MAP4K3: variants seen among roughly 807,000 people sequenced by gnomAD.
The protein encoded by MAP4K3 is MAPK/ERK kinase kinase kinase 3.
A neutral mutation model predicts 143.5 loss-of-function variants in MAP4K3; 94 were observed. That is an observed-to-expected ratio of 0.65 (90% CI 0.55 to 0.78). MAP4K3 has a LOEUF of 0.78. MAP4K3 is among the 30% of genes least tolerant of loss of function. MAP4K3 has a pLI of 0.00. For missense variants in MAP4K3, 1,077 were observed against 1,068.1 expected (o/e 1.01, Z -0.12); for synonymous variants, 416 against 347.2 (o/e 1.20, Z -2.20).
Position 39,280,323 on chromosome 2 carries a change from A to G in MAP4K3, c.1663T>C (p.Cys555Arg). The G allele has an allele frequency of 6.2e-7, 1 of 1,605,124 alleles. No individual in the cohort carries two copies. Among genetic ancestry groups the G allele is most frequent in the Non-Finnish European group, 8.5e-7 (1 of 1,174,556 alleles). Residue 555 changes from cysteine (C) to arginine (R), a missense_variant, in exon 23 of 34, where the codon TGT becomes CGT. Coordinates refer to ENST00000263881, the MANE Select transcript of MAP4K3 (RefSeq NM_003618.4). ...GATGCACAGTGAATTTTCAAGGGAC[A>G]CCCATTAAAAACTTTTGAAAAACAT... ...GACFSKVFNG[C>R]PLKIHCASSW...
At chr2:39,278,037 A>G (rs1681344513) in intron 24 of MAP4K3, among the ~76,000 whole-genome samples, 1 of 147,366 alleles carries the variant, frequency 6.8e-6, no homozygotes, top group African/African-American at 2.5e-5. Context: ...ATCCCAGCAC[A>G]CTGGGAGGCC....
At chr2:39,354,261 G>T (rs1029908949) in intron 3 of MAP4K3, among the ~76,000 whole-genome samples, 1 of 152,016 alleles carries the variant, frequency 6.6e-6, no homozygotes, top group African/African-American at 2.4e-5. Context: ...GGCTAACACT[G>T]TGAAACCCCG....
At chr2:39,345,685 C>T (rs1665268370) in intron 3 of MAP4K3, among the ~76,000 whole-genome samples, 2 of 151,764 alleles carry the variant, frequency 1.3e-5, no homozygotes, top group African/African-American at 2.4e-5. Context: ...TTTGGGAGGC[C>T]GAGGCGGGCG....
chr2:39,323,031 T>C (rs910057570), intron 12 of MAP4K3, among the ~76,000 whole-genome samples: 1 of 152,182 alleles, frequency 6.6e-6, no homozygotes, highest in Non-Finnish European at 1.5e-5. Context: ...AATTCTTAGA[T>C]ACATTCGTAT....
intron 12 of MAP4K3, among the ~76,000 whole-genome samples, chr2:39,320,763 C>A (rs1357192953): frequency 6.6e-6 from 1 of 152,172 alleles, no homozygotes. Context: ...GCATCTATTT[C>A]ATGTAATTAT....
At position 39,282,532 on chromosome 2, in the gene MAP4K3, G is replaced by A. The variant is rs747296551; in HGVS notation, c.1610C>T (p.Pro537Leu). 1.2e-6 allele frequency: 2 copies of A among 1,611,406 alleles called. No homozygotes were observed. Among genetic ancestry groups the A allele is most frequent in the Non-Finnish European group, 1.7e-6 (2 of 1,178,644 alleles). The change falls in exon 22 of 34, where the codon CCT becomes CTT. Residue 537 changes from proline (P) to leucine (L), a missense_variant. Pro to Leu is a moderately conservative substitution (Grantham distance 98). Around this residue, in one of 2 missense-constraint regions of MAP4K3, gnomAD observed 864 missense variants for 801.2 expected, o/e 1.08. Coordinates refer to ENST00000263881, the MANE Select transcript of MAP4K3 (RefSeq NM_003618.4). ...DVPKPISNGL[P>L]PTPKVHMGAC... ...ACTTACATGCACTTTAGGTGTTGGA[G>A]GAAGACCATTACTAATAGGCTTCTA... is the stretch of plus-strand genomic sequence containing the variant.
chr2:39,303,684 G>A (rs1422287174), intron 15 of MAP4K3, among the ~76,000 whole-genome samples: 4 of 152,008 alleles, frequency 2.6e-5, no homozygotes, highest in South Asian at 2.1e-4. Context: ...GATTAAAGAC[G>A]TGCACCACCA....
intron 1 of MAP4K3, among the ~76,000 whole-genome samples, chr2:39,403,981 A>G (rs1280529778): frequency 6.6e-6 from 1 of 151,858 alleles, no homozygotes; most frequent in Non-Finnish European, 1.5e-5. Flanking sequence ...CCTGGGCCAG[A>G]AAGGAACCAG....
chr2:39,376,663 G>C (rs1254650889), intron 2 of MAP4K3, among the ~76,000 whole-genome samples: 1 of 152,194 alleles, frequency 6.6e-6, no homozygotes, highest in African/African-American at 2.4e-5. Flanking sequence ...TATGGTCAGT[G>C]CTACAGCAGA....
intron 24 of MAP4K3, among the ~76,000 whole-genome samples, chr2:39,275,024 C>T (rs999722183): frequency 4.6e-5 from 7 of 152,184 alleles, no homozygotes; most frequent in African/African-American, 7.2e-5. Context: ...TCAGGCTCCA[C>T]ATATACTAAT....
At chr2:39,302,305 A>G (rs192400609) in intron 15 of MAP4K3, among the ~76,000 whole-genome samples, 1 of 152,318 alleles carries the variant, frequency 6.6e-6, no homozygotes, top group African/African-American at 2.4e-5. Context: ...ATGTTATAGC[A>G]ACCATGGAAC....
intron 1 of MAP4K3, among the ~76,000 whole-genome samples, chr2:39,385,084 T>C (rs1361558873): frequency 1.3e-5 from 2 of 152,238 alleles, no homozygotes; most frequent in African/African-American, 2.4e-5. Flanking sequence ...TTCCACTGTA[T>C]GGATTTACCA....
chr2:39,395,470 A>T (rs1433331387), intron 1 of MAP4K3, among the ~76,000 whole-genome samples: 2 of 152,086 alleles, frequency 1.3e-5, no homozygotes, highest in African/African-American at 4.8e-5. Context: ...TGCTTCTGAA[A>T]CTCTTCTGTT....
At chr2:39,352,161 T>A (rs1040434227) in intron 3 of MAP4K3, among the ~76,000 whole-genome samples, 2 of 151,988 alleles carry the variant, frequency 1.3e-5, no homozygotes, top group Non-Finnish European at 2.9e-5. Context: ...TGTGGTAGCG[T>A]GCGCCCGTAA....
intron 12 of MAP4K3, among the ~76,000 whole-genome samples, chr2:39,319,655 T>C (rs947409496): frequency 1.3e-5 from 2 of 152,208 alleles, no homozygotes; most frequent in African/African-American, 2.4e-5. Flanking sequence ...ATCAAGAGTC[T>C]AAATATTTCT....
At chr2:39,349,245 G>A (rs1665381679) in intron 3 of MAP4K3, among the ~76,000 whole-genome samples, 2 of 152,162 alleles carry the variant, frequency 1.3e-5, no homozygotes, top group Non-Finnish European at 1.5e-5. Flanking sequence ...TATTTAACGT[G>A]AAGAAAATTT....
intron 1 of MAP4K3, among the ~76,000 whole-genome samples, chr2:39,424,466 C>A (rs1664999521): frequency 6.6e-6 from 1 of 152,066 alleles, no homozygotes; most frequent in African/African-American, 2.4e-5. Context: ...CACATTGGAA[C>A]GGAGACCCCC....
chr2:39,394,443 T>A (rs1173346057), intron 1 of MAP4K3, among the ~76,000 whole-genome samples: 1 of 152,194 alleles, frequency 6.6e-6, no homozygotes. Context: ...ATTGTGGTTC[T>A]CCAGAACAAA....
intron 1 of MAP4K3, among the ~76,000 whole-genome samples, chr2:39,391,000 C>G (rs911624200): frequency 7.9e-5 from 12 of 152,032 alleles, no homozygotes; most frequent in African/African-American, 2.7e-4. Flanking sequence ...CAGAATAGTA[C>G]TTCTGAAACA....
Sources: allele counts gnomAD v4.1 joint callset (sites outside exome capture counted in the v4.1 genomes callset), GRCh38; gene constraint gnomAD v4.1.1; regional missense constraint gnomAD v4.1.1; transcripts MANE v1.5; gene names NCBI Gene and HGNC (gene_info 2026-07-23, HGNC 2026-07-21).